The following SLC38A12 variants were observed in gnomAD, a reference collection of about 807,000 sequenced individuals.
The protein encoded by SLC38A12 is putative sodium-coupled neutral amino acid transporter 12.
the SLC38A12 span, among the ~76,000 whole-genome samples, chr17:74,834,594 A>G: frequency 6.6e-6 from 1 of 152,162 alleles, no homozygotes; most frequent in Non-Finnish European, 1.5e-5. Context: ...GCCTGGCCCA[A>G]AGGGGACCAT....
the SLC38A12 span, among the ~76,000 whole-genome samples, chr17:74,782,409 G>A: frequency 6.6e-6 from 1 of 151,992 alleles, no homozygotes; most frequent in Non-Finnish European, 1.5e-5. Flanking sequence ...TCCTTAGAAC[G>A]TAGCCCCGTG....
the SLC38A12 span, among the ~76,000 whole-genome samples, chr17:74,799,697 G>T: frequency 2.0e-5 from 3 of 152,184 alleles, no homozygotes; most frequent in African/African-American, 4.8e-5. Context: ...CCCTGTTTGC[G>T]ACAGCCCTGT....
the SLC38A12 span, among the ~76,000 whole-genome samples, chr17:74,831,060 C>T: frequency 6.6e-6 from 1 of 152,224 alleles, no homozygotes; most frequent in Admixed American, 6.5e-5. Context: ...CAGCCACAGA[C>T]CTATAGGGTC....
At chr17:74,785,750 C>T in the SLC38A12 span, 1 of 1,165,918 alleles carries the variant, frequency 8.6e-7, no homozygotes. Flanking sequence ...CCAGGGTATT[C>T]AGAGAGGGGA....
At chr17:74,836,533 G>C in the SLC38A12 span, 27 of 1,613,032 alleles carry the variant, frequency 1.7e-5, no homozygotes, top group Non-Finnish European at 2.2e-5. The surrounding 1 kb of genome is among the most constrained non-coding windows in gnomAD (Gnocchi z 4.2). Flanking sequence ...TACCACTGCC[G>C]CAGGGACACC....
chr17:74,837,349 A>C, the SLC38A12 span: 1 of 985,532 alleles, frequency 1.0e-6, no homozygotes, highest in Non-Finnish European at 1.2e-6. Context: ...GCTCCGGAGT[A>C]GCAGGCTGGA....
chr17:74,790,564 G>A, the SLC38A12 span, among the ~76,000 whole-genome samples: 1 of 151,972 alleles, frequency 6.6e-6, no homozygotes, highest in Admixed American at 6.6e-5. Context: ...ACCCCTTCCT[G>A]TTACTGAGAT....
the SLC38A12 span, chr17:74,837,398 C>T: frequency 3.0e-6 from 3 of 985,586 alleles, no homozygotes; most frequent in Non-Finnish European, 3.6e-6. Context: ...CGCCTGCCAG[C>T]TGGGCCTAAA....
At chr17:74,777,236 T>C in the SLC38A12 span, 20 of 1,421,346 alleles carry the variant, frequency 1.4e-5, no homozygotes, top group South Asian at 2.3e-4. Context: ...GTCCATCAGA[T>C]AGGTGAAGCC....
At chr17:74,815,906 G>A in the SLC38A12 span, among the ~76,000 whole-genome samples, 15 of 152,328 alleles carry the variant, frequency 9.8e-5, no homozygotes, top group African/African-American at 3.6e-4. Flanking sequence ...ACAGGCACAA[G>A]TGTCAGTACT....
At chr17:74,782,358 A>T in the SLC38A12 span, among the ~76,000 whole-genome samples, 32 of 152,082 alleles carry the variant, frequency 2.1e-4, no homozygotes, top group African/African-American at 4.6e-4. Flanking sequence ...ATGAGCCACC[A>T]CACCCGGCCT....
At chr17:74,777,595 C>G in the SLC38A12 span, 7 of 1,505,008 alleles carry the variant, frequency 4.7e-6, no homozygotes, top group Non-Finnish European at 1.8e-6. Flanking sequence ...TCAGAGTGGT[C>G]AAGCCAAACA....
At chr17:74,809,874 C>G in the SLC38A12 span, among the ~76,000 whole-genome samples, 2 of 152,186 alleles carry the variant, frequency 1.3e-5, no homozygotes, top group African/African-American at 4.8e-5. Context: ...CGCAGGTGCC[C>G]CACTGTTGGC....
At chr17:74,809,271 C>T in the SLC38A12 span, among the ~76,000 whole-genome samples, 2 of 152,068 alleles carry the variant, frequency 1.3e-5, no homozygotes, top group Admixed American at 6.6e-5. Flanking sequence ...GGGAGGTTTT[C>T]GGCTGTCAAA....
At chr17:74,805,943 G>A in the SLC38A12 span, among the ~76,000 whole-genome samples, 2 of 152,204 alleles carry the variant, frequency 1.3e-5, no homozygotes, top group South Asian at 4.1e-4. The surrounding 1 kb of genome is among the most constrained non-coding windows in gnomAD (Gnocchi z 5.0). Flanking sequence ...GGGATTGACA[G>A]CTAGACTCTG....
At chr17:74,821,941 C>T in the SLC38A12 span, among the ~76,000 whole-genome samples, 1 of 152,196 alleles carries the variant, frequency 6.6e-6, no homozygotes, top group Non-Finnish European at 1.5e-5. Context: ...AGGACAGGAA[C>T]AGGCTGGGGA....
the SLC38A12 span, among the ~76,000 whole-genome samples, chr17:74,824,966 C>T: frequency 6.6e-6 from 1 of 152,332 alleles, no homozygotes; most frequent in East Asian, 1.9e-4. Flanking sequence ...TGTCTCCAAA[C>T]CCATGACTGA....
chr17:74,777,896 A>G, the SLC38A12 span, among the ~76,000 whole-genome samples: 1 of 152,166 alleles, frequency 6.6e-6, no homozygotes. Flanking sequence ...CCTGGGCAAA[A>G]AGAGCGAAAC....
the SLC38A12 span, among the ~76,000 whole-genome samples, chr17:74,819,429 G>A: frequency 6.6e-6 from 1 of 152,228 alleles, no homozygotes. Flanking sequence ...GCACATCATG[G>A]ATCTTCAATC....
Sources: allele counts gnomAD v4.1 joint callset (sites outside exome capture counted in the v4.1 genomes callset), GRCh38; gene constraint gnomAD v4.1.1; non-coding constraint Gnocchi (gnomAD v3.1); transcripts MANE v1.5; gene names NCBI Gene and HGNC (gene_info 2026-07-23, HGNC 2026-07-21).